The following STX17 variants were observed in gnomAD, a reference collection of about 807,000 sequenced individuals.
STX17 encodes the protein syntaxin-17.
Under a neutral mutation model 35.9 loss-of-function variants are expected in STX17, and 29 were observed. The ratio of observed to expected loss-of-function variants is 0.81; its 90% CI spans 0.60 to 1.10. The LOEUF (loss-of-function observed/expected upper bound fraction) is 1.10. STX17 is among the 50% of genes least tolerant of loss of function. STX17 has a pLI of 0.00. For synonymous variants in STX17, 92 were observed against 118.3 expected (o/e 0.78, Z 1.44); for missense variants, 312 against 352.3 (o/e 0.89, Z 0.92).
intron 4 of STX17, among the ~76,000 whole-genome samples, chr9:99,954,788 A>G (rs1184864048): frequency 6.6e-6 from 1 of 152,114 alleles, no homozygotes; most frequent in South Asian, 2.1e-4. Flanking sequence ...CCACATTTCC[A>G]TGAGTAAGAT....
intron 3 of STX17, among the ~76,000 whole-genome samples, chr9:99,948,416 G>A (rs1333923315): frequency 6.6e-6 from 1 of 151,832 alleles, no homozygotes; most frequent in African/African-American, 2.4e-5. Flanking sequence ...TATGTGGCTT[G>A]TGTGTGTGAT....
At chr9:99,921,834 C>T (rs1341011926) in intron 2 of STX17, among the ~76,000 whole-genome samples, 1 of 151,958 alleles carries the variant, frequency 6.6e-6, no homozygotes, top group Non-Finnish European at 1.5e-5. Flanking sequence ...GGCCTGTTGA[C>T]TTGAACTCAT....
At chr9:99,919,645 A>G (rs117009306) in intron 2 of STX17, among the ~76,000 whole-genome samples, 2,173 of 152,284 alleles carry the variant, frequency 0.014, 19 homozygotes, top group Non-Finnish European at 0.022. Flanking sequence ...AAGAGTAGAG[A>G]TGAATATTTG....
intron 2 of STX17, among the ~76,000 whole-genome samples, chr9:99,922,022 C>T (rs1339681857): frequency 6.6e-6 from 1 of 152,134 alleles, no homozygotes; most frequent in African/African-American, 2.4e-5. Flanking sequence ...TCCACCCTAT[C>T]ATTTGTCACC....
At chr9:99,916,543 A>T (rs1274249139) in intron 2 of STX17, among the ~76,000 whole-genome samples, 1 of 152,074 alleles carries the variant, frequency 6.6e-6, no homozygotes, top group African/African-American at 2.4e-5. Flanking sequence ...ACTCAGTAGC[A>T]TATAGAAGTC....
intron 3 of STX17, among the ~76,000 whole-genome samples, chr9:99,933,149 A>G (rs962061159): frequency 6.6e-6 from 1 of 152,154 alleles, no homozygotes; most frequent in Non-Finnish European, 1.5e-5. Context: ...ATTTTATTTT[A>G]TTCCATCTTG....
intron 3 of STX17, among the ~76,000 whole-genome samples, chr9:99,941,206 A>G (rs956588174): frequency 2.3e-4 from 35 of 152,234 alleles, no homozygotes; most frequent in African/African-American, 8.4e-4. Context: ...TTCTTTTACC[A>G]TATTGATTGA....
chr9:99,931,533 A>G (rs1308850812), intron 3 of STX17, among the ~76,000 whole-genome samples: 1 of 149,986 alleles, frequency 6.7e-6, no homozygotes, highest in Non-Finnish European at 1.5e-5. Context: ...CCGCAAACTG[A>G]TTCAGAGGCT....
In STX17 at chr9:99,972,787, TTTGTCCTTCG is replaced by T. The variant is rs1422780634; in HGVS notation, c.*4118_*4127del. On this transcript the variant is annotated 3_prime_UTR_variant, in exon 8 of 8. Transcript: ENST00000259400. ...ATGAAAGGTGTTTCTCAGGGTCCCC[TTTGTCCTTCG>T]TTGCTGCCATATGAAATCTTACAAG... Among the ~76,000 whole-genome samples the T allele has an allele frequency of 2.0e-5, 3 of 152,198 alleles. No homozygotes were observed. Among genetic ancestry groups the T allele is most frequent in the Non-Finnish European group, 2.9e-5 (2 of 68,026 alleles).
At chr9:99,908,108 G>C (rs1256557515) in intron 1 of STX17, among the ~76,000 whole-genome samples, 1 of 152,230 alleles carries the variant, frequency 6.6e-6, no homozygotes, top group East Asian at 1.9e-4. Context: ...ACACAAAAGT[G>C]TGTGTGCCCT....
intron 6 of STX17, chr9:99,967,452 C>T: frequency 2.4e-6 from 1 of 416,854 alleles, no homozygotes; most frequent in East Asian, 3.4e-5. Flanking sequence ...CTTTTATTAC[C>T]TAATAATTAA....
intron 6 of STX17, among the ~76,000 whole-genome samples, chr9:99,966,618 AC>A (rs1829917532): frequency 2.0e-5 from 3 of 152,236 alleles, no homozygotes. Context: ...CATTAAAAAA[AC>A]AAAACCAAAA....
rs925283053 is a variant in STX17, at chr9:99,916,266, A to G, written c.123+904A>G. On this transcript the variant is annotated intron_variant, in intron 2 of 7. Coordinates refer to ENST00000259400, the MANE Select transcript of STX17 (RefSeq NM_017919.3). ...GGCTGTGGCATTTTTGGAAACATCA[A>G]GTTTACTCAGTACTGAGCATTAATT... 3.5e-4 allele frequency: 117 copies of G among 338,876 alleles called. 1 individual carries two copies. The highest frequency in any genetic ancestry group is 5.9e-4 in the Non-Finnish European group (103 of 173,126). The allele number at this position is 338,876 out of a possible 1,614,324, so 21.0% of individuals were successfully genotyped here.
rs529326208 is a variant in STX17, at chr9:99,970,789, C to T, written c.*2116C>T. Among the ~76,000 whole-genome samples the T allele has an allele frequency of 5.1e-4, 78 of 152,312 alleles. No homozygotes were observed. Among genetic ancestry groups the T allele is most frequent in the African/African-American group, 1.7e-3 (72 of 41,560 alleles). On this transcript the variant is annotated 3_prime_UTR_variant, in exon 8 of 8. Coordinates refer to ENST00000259400, the MANE Select transcript of STX17 (RefSeq NM_017919.3). ...CTATCCTTTCAGCCCACCAACTTAG[C>T]GGCAGCACTAGGGATTCATTATAAG...
At chr9:99,946,669 A>T (rs1829488458) in intron 3 of STX17, among the ~76,000 whole-genome samples, 1 of 152,136 alleles carries the variant, frequency 6.6e-6, no homozygotes, top group Non-Finnish European at 1.5e-5. Context: ...TGTGTTATTG[A>T]CTGAAGGCAA....
chr9:99,943,044 A>G (rs1218705451), intron 3 of STX17, among the ~76,000 whole-genome samples: 1 of 152,202 alleles, frequency 6.6e-6, no homozygotes, highest in Non-Finnish European at 1.5e-5. Context: ...CAGCTTATTA[A>G]GTTTCACCAA....
intron 6 of STX17, 173 bp from the exon 7 acceptor site, chr9:99,967,480 T>A (rs1564077045): frequency 7.6e-6 from 3 of 392,184 alleles, no homozygotes; most frequent in African/African-American, 4.1e-5. Flanking sequence ...CCCTTTTTTT[T>A]ATGAAAGTTA....
chr9:99,943,900 A>C (rs1161745368), intron 3 of STX17, among the ~76,000 whole-genome samples: 1 of 152,184 alleles, frequency 6.6e-6, no homozygotes, highest in African/African-American at 2.4e-5. Flanking sequence ...AGAATTGGCC[A>C]GTAAAACTAT....
chr9:99,970,784 C>G lies in STX17; in HGVS notation c.*2111C>G, dbSNP rs1830003918. On this transcript the variant is annotated 3_prime_UTR_variant, in exon 8 of 8. Coordinates refer to ENST00000259400, the MANE Select transcript of STX17 (RefSeq NM_017919.3). ...ATTGGCTATCCTTTCAGCCCACCAA[C>G]TTAGCGGCAGCACTAGGGATTCATT... Among the ~76,000 whole-genome samples the G allele has an allele frequency of 6.6e-6, 1 of 152,224 alleles. No homozygotes were observed. The highest frequency in any genetic ancestry group is 2.1e-4 in the South Asian group (1 of 4,834).
Sources: gnomAD v4.1 joint callset for allele counts (sites outside exome capture counted in the v4.1 genomes callset) on GRCh38, gnomAD v4.1.1 for gene constraint, MANE v1.5 for transcripts, NCBI Gene and HGNC (gene_info 2026-07-23, HGNC 2026-07-21) for gene names.